The following LTBP1 variants were observed in gnomAD, a reference collection of about 807,000 sequenced individuals.
The protein encoded by LTBP1 is latent transforming growth factor beta binding protein 1.
In LTBP1, 129 loss-of-function variants were observed where a neutral mutation model predicts 207.6. The observed-to-expected ratio is 0.62, with a 90% CI of 0.54 to 0.72. The LOEUF (loss-of-function observed/expected upper bound fraction) is 0.72, where lower values mean the gene tolerates loss of function less well. Among genes scored for constraint, LTBP1 ranks in the 30% least tolerant of loss-of-function variants. The probability of loss-of-function intolerance (pLI) is 0.00; values close to 1 mark genes in which losing one functional copy is unlikely to be tolerated. For missense variants in LTBP1, 2,281 were observed against 2,217.2 expected (o/e 1.03, Z -0.58); for synonymous variants, 963 against 833.7 (o/e 1.16, Z -2.67).
chr2:33,047,012 T>TATTA (rs1210798035), intron 3 of LTBP1, among the ~76,000 whole-genome samples: 1 of 152,142 alleles, frequency 6.6e-6, no homozygotes, highest in East Asian at 1.9e-4. Context: ...TTTTCTTCTT[T>TATTA]ATTAGTGTGG....
At chr2:33,130,078 A>G (rs1289579215) in intron 4 of LTBP1, among the ~76,000 whole-genome samples, 2 of 152,232 alleles carry the variant, frequency 1.3e-5, no homozygotes, top group Non-Finnish European at 2.9e-5. Flanking sequence ...GAGCTGAACA[A>G]TAAAGTCCTG....
intron 31 of LTBP1, among the ~76,000 whole-genome samples, chr2:33,385,766 A>G (rs942173725): frequency 2.0e-5 from 3 of 152,112 alleles, no homozygotes; most frequent in African/African-American, 7.2e-5. Context: ...ATTAGGACAG[A>G]CCTGTGCAGG....
At chr2:33,378,187 G>A (rs113466220) in intron 31 of LTBP1, among the ~76,000 whole-genome samples, 66 of 75,508 alleles carry the variant, frequency 8.7e-4, no homozygotes, top group African/African-American at 3.1e-3. Context: ...ATATATATAT[G>A]TGTGTGTGTG....
intron 28 of LTBP1, 107 bp from the exon 29 acceptor site, chr2:33,363,283 G>A: frequency 9.1e-7 from 1 of 1,098,130 alleles, no homozygotes. Flanking sequence ...TCTTTGGAAT[G>A]TAAATATTAT....
At chr2:33,157,894 C>T (rs2084107862) in intron 5 of LTBP1, among the ~76,000 whole-genome samples, 1 of 152,118 alleles carries the variant, frequency 6.6e-6, no homozygotes, top group Non-Finnish European at 1.5e-5. Context: ...GTAATCCCAG[C>T]ACTTTGGGAA....
intron 31 of LTBP1, among the ~76,000 whole-genome samples, chr2:33,383,212 G>T (rs1449816150): frequency 6.6e-6 from 1 of 152,180 alleles, no homozygotes; most frequent in Non-Finnish European, 1.5e-5. Context: ...AATTAGCCGG[G>T]CATGGTGGCG....
chr2:33,158,148 C>CAAAAAAAAAAAAA (rs59789805), intron 5 of LTBP1, among the ~76,000 whole-genome samples: 2 of 113,924 alleles, frequency 1.8e-5, no homozygotes, highest in African/African-American at 3.4e-5. Flanking sequence ...AAAAAAAAAA[C>CAAAAAAAAAAAAA]AAAAAAAAAA....
chr2:33,004,341 C>T (rs1686464540), intron 2 of LTBP1, among the ~76,000 whole-genome samples: 1 of 152,052 alleles, frequency 6.6e-6, no homozygotes, highest in Non-Finnish European at 1.5e-5. Context: ...TGTATTTGTC[C>T]TCACAGAGTT....
Position 32,998,930 on chromosome 2 carries a change from G to T in LTBP1, c.566-21979G>T, listed in dbSNP as rs112858953. ...CTGGTATTTTGTTATAGCAGCCTGG[G>T]CTAAGAACATGGTCTGGACCAGTGG... On this transcript the variant is annotated intron_variant, in intron 2 of 33. Coordinates refer to ENST00000404816, the MANE Select transcript of LTBP1 (RefSeq NM_206943.4). 2.3e-3 allele frequency among the ~76,000 whole-genome samples: 356 copies of T among 152,312 alleles called. 1 individual carries two copies. Among genetic ancestry groups the T allele is most frequent in the African/African-American group, 8.1e-3 (338 of 41,558 alleles).
At chr2:33,033,902 T>C (rs2236266) in intron 3 of LTBP1, among the ~76,000 whole-genome samples, 6,900 of 152,252 alleles carry the variant, frequency 0.045, 533 homozygotes, top group East Asian at 0.3. Context: ...TTTAAAGTTG[T>C]ATTTCAAAGC....
At chr2:33,347,237 AG>A in intron 25 of LTBP1, 129 bp from the exon 26 acceptor site, 1 of 914,176 alleles carries the variant, frequency 1.1e-6, no homozygotes, top group Admixed American at 2.3e-5. Flanking sequence ...AAAGAGCAGA[AG>A]GGGTTTGACT....
chr2:33,043,457 GCT>G, intron 3 of LTBP1, among the ~76,000 whole-genome samples: 1 of 152,244 alleles, frequency 6.6e-6, no homozygotes, highest in African/African-American at 2.4e-5. Context: ...ATCTTGCCAT[GCT>G]ATATTTTGGA....
chr2:33,133,293 TAA>T (rs1319310616), intron 4 of LTBP1, among the ~76,000 whole-genome samples: 1 of 152,100 alleles, frequency 6.6e-6, no homozygotes, highest in African/African-American at 2.4e-5. Context: ...CAAAGCAGTA[TAA>T]AGAGAGACAA....
At chr2:33,117,023 G>A (rs1389049034) in intron 4 of LTBP1, among the ~76,000 whole-genome samples, 1 of 152,100 alleles carries the variant, frequency 6.6e-6, no homozygotes, top group Non-Finnish European at 1.5e-5. Context: ...ACAGGCTGGG[G>A]CAGCTTGACT....
intron 3 of LTBP1, among the ~76,000 whole-genome samples, chr2:33,078,862 C>CTTTTTTT (rs34843933): frequency 2.8e-5 from 3 of 106,888 alleles, no homozygotes; most frequent in Non-Finnish European, 3.6e-5. Flanking sequence ...CTTTTCTTTT[C>CTTTTTTT]TTTTTTTTTT....
At chr2:33,397,099 A>G (rs532790790) in intron 32 of LTBP1, 34 bp from the exon 33 acceptor site, 2 of 1,597,528 alleles carry the variant, frequency 1.3e-6, no homozygotes, top group South Asian at 2.2e-5. Flanking sequence ...GAAGTTGAGA[A>G]GCTCTAACTT....
At chr2:33,152,856 A>G (rs1572880680) in intron 5 of LTBP1, among the ~76,000 whole-genome samples, 1 of 152,340 alleles carries the variant, frequency 6.6e-6, no homozygotes. Flanking sequence ...TAACTACAGC[A>G]TTATCTCTAG....
chr2:33,353,832 G>A (rs546008284), intron 26 of LTBP1, among the ~76,000 whole-genome samples: 91 of 150,724 alleles, frequency 6.0e-4, no homozygotes, highest in African/African-American at 2.1e-3. Flanking sequence ...TCCTAGAGAG[G>A]TACACTACAG....
chr2:33,317,873 C>G (rs76868907), intron 24 of LTBP1: 1 of 101,342 alleles, frequency 9.9e-6, no homozygotes. Flanking sequence ...GAGGCAAACT[C>G]TGTCAACATG....
Sources: allele counts gnomAD v4.1 joint callset (sites outside exome capture counted in the v4.1 genomes callset), GRCh38; gene constraint gnomAD v4.1.1; transcripts MANE v1.5; gene names NCBI Gene and HGNC (gene_info 2026-07-23, HGNC 2026-07-21).